PCDH15: variants seen among roughly 807,000 people sequenced by gnomAD.
The protein encoded by PCDH15 is protocadherin-15.
In PCDH15, 129 loss-of-function variants were observed where a neutral mutation model predicts 178.5. The observed-to-expected ratio is 0.72, with a 90% CI of 0.63 to 0.84. The LOEUF (loss-of-function observed/expected upper bound fraction) is 0.84, where lower values mean the gene tolerates loss of function less well. Among genes scored for constraint, PCDH15 ranks in the 40% least tolerant of loss-of-function variants. The pLI is 0.00. For missense variants in PCDH15, 2,230 were observed against 2,099.9 expected, an observed-to-expected ratio of 1.06 and a Z score of -1.21; for synonymous variants, 800 against 732.0, an observed-to-expected ratio of 1.09 and a Z score of -1.50.
In PCDH15 at chr10:54,977,280, G is replaced by T. The variant is rs554391872; in HGVS notation, c.-79-79780C>A. Among the ~76,000 whole-genome samples the T allele has an allele frequency of 1.7e-3, 262 of 152,222 alleles. 1 individual carries two copies. The highest frequency in any genetic ancestry group is 5.9e-3 in the African/African-American group (247 of 41,536). On this transcript the variant is annotated intron_variant, in intron 2 of 5. Coordinates refer to the PCDH15 transcript ENST00000458638. ...ATGAGAAAGAAGGTCAGTAGGACTG[G>T]TTTCATAAGACACAGGTCATAAGAT...
At chr10:55,415,469 A>C (rs1838456064) in intron 2 of PCDH15, among the ~76,000 whole-genome samples, 1 of 151,754 alleles carries the variant, frequency 6.6e-6, no homozygotes, top group African/African-American at 2.4e-5. Flanking sequence ...ACTAGAGGAG[A>C]TAAAAGGACG....
intron 1 of PCDH15, among the ~76,000 whole-genome samples, chr10:54,736,073 G>A (rs6481118): frequency 0.86 from 130,362 of 151,986 alleles, 56,601 homozygotes; most frequent in Non-Finnish European, 0.93. Context: ...TCTTTCCTTA[G>A]GTCAAACTGC....
intron 2 of PCDH15, among the ~76,000 whole-genome samples, chr10:54,610,597 C>A (rs1038436307): frequency 2.0e-5 from 3 of 151,902 alleles, no homozygotes; most frequent in Non-Finnish European, 2.9e-5. Context: ...CCTGGCTTTT[C>A]TCTCCTGCTT....
At chr10:54,018,372 C>T (rs2092809650) in intron 20 of PCDH15, among the ~76,000 whole-genome samples, 1 of 151,392 alleles carries the variant, frequency 6.6e-6, no homozygotes, top group African/African-American at 2.4e-5. Flanking sequence ...CCACAGTCTT[C>T]AGGTAACCAA....
chr10:54,782,307 G>T (rs1950441668), intron 1 of PCDH15, among the ~76,000 whole-genome samples: 1 of 152,226 alleles, frequency 6.6e-6, no homozygotes, highest in East Asian at 1.9e-4. Context: ...TTACACTGCT[G>T]TGGTTCACTT....
At chr10:54,550,671 A>G (rs562618026) in intron 2 of PCDH15, among the ~76,000 whole-genome samples, 6 of 152,352 alleles carry the variant, frequency 3.9e-5, no homozygotes, top group African/African-American at 1.4e-4. Context: ...GTACCTATAA[A>G]TGTTAGATAA....
chr10:54,994,945 A>G (rs924779546), intron 2 of PCDH15, among the ~76,000 whole-genome samples: 10 of 152,232 alleles, frequency 6.6e-5, no homozygotes, highest in African/African-American at 1.7e-4. Flanking sequence ...TAATTACATT[A>G]AAGTTTATAT....
chr10:54,733,925 T>A (rs9804375), intron 1 of PCDH15, among the ~76,000 whole-genome samples: 69,427 of 150,834 alleles, frequency 0.46, 17,053 homozygotes, highest in Middle Eastern at 0.65. Context: ...GTACTTCACA[T>A]TTTTTATCAA....
chr10:55,536,229 A>C (rs1027203755), intron 2 of PCDH15, among the ~76,000 whole-genome samples: 1 of 152,026 alleles, frequency 6.6e-6, no homozygotes, highest in African/African-American at 2.4e-5. Context: ...TAATCCTCTA[A>C]TTTTCTAACG....
At chr10:54,624,811 C>T (rs531731856) in intron 2 of PCDH15, among the ~76,000 whole-genome samples, 10 of 152,290 alleles carry the variant, frequency 6.6e-5, no homozygotes, top group South Asian at 6.2e-4. Context: ...GTCTAGGTTG[C>T]GTGCTCCTAA....
intron 2 of PCDH15, among the ~76,000 whole-genome samples, chr10:55,086,027 G>A (rs1842159844): frequency 6.6e-6 from 1 of 151,336 alleles, no homozygotes; most frequent in African/African-American, 2.4e-5. Flanking sequence ...ATATACATAT[G>A]CAATCTTTAA....
At chr10:54,103,733 C>G (rs2094856405) in intron 15 of PCDH15, among the ~76,000 whole-genome samples, 1 of 152,070 alleles carries the variant, frequency 6.6e-6, no homozygotes, top group Non-Finnish European at 1.5e-5. Context: ...TTTAGCTAAC[C>G]AGACAAATAA....
At chr10:53,834,666 A>G (rs74944334) in intron 29 of PCDH15, among the ~76,000 whole-genome samples, 1 of 152,114 alleles carries the variant, frequency 6.6e-6, no homozygotes, top group Admixed American at 6.5e-5. Flanking sequence ...CTGAAATGAG[A>G]TAAGTTGCTA....
At chr10:54,813,367 A>G (rs1038653930) in intron 3 of PCDH15, among the ~76,000 whole-genome samples, 1 of 152,146 alleles carries the variant, frequency 6.6e-6, no homozygotes, top group African/African-American at 2.4e-5. Context: ...CCATGTGGTT[A>G]TACCAGAAAC....
chr10:54,967,105 G>A (rs1439702603), intron 2 of PCDH15, among the ~76,000 whole-genome samples: 3 of 152,038 alleles, frequency 2.0e-5, no homozygotes, highest in Admixed American at 2.0e-4. Context: ...CTCAGCTTTA[G>A]ACTTTATAAA....
intron 2 of PCDH15, among the ~76,000 whole-genome samples, chr10:54,982,412 TG>T (rs1839258707): frequency 6.6e-6 from 1 of 152,160 alleles, no homozygotes; most frequent in Admixed American, 6.5e-5. Context: ...ATATCAAGTT[TG>T]TAAATCAAGC....
intron 9 of PCDH15, among the ~76,000 whole-genome samples, chr10:54,220,208 C>A (rs1352547071): frequency 6.6e-6 from 1 of 152,284 alleles, no homozygotes; most frequent in Admixed American, 6.5e-5. Context: ...GTAATACTTA[C>A]TAGCTGTTAA....
chr10:54,599,646 A>G (rs2134057365), intron 2 of PCDH15: 4 of 368,680 alleles, frequency 1.1e-5, no homozygotes, highest in East Asian at 7.2e-5. Flanking sequence ...CAAAAGCAAA[A>G]ATTGACAAAC....
At chr10:54,297,747 C>G (rs549099831) in intron 8 of PCDH15, among the ~76,000 whole-genome samples, 101 of 152,296 alleles carry the variant, frequency 6.6e-4, no homozygotes, top group African/African-American at 2.4e-3. Context: ...TAAAGCAGAT[C>G]AAGGCAGACC....
Sources: allele counts gnomAD v4.1 joint callset (sites outside exome capture counted in the v4.1 genomes callset), GRCh38; gene constraint gnomAD v4.1.1; transcripts MANE v1.5; gene names NCBI Gene and HGNC (gene_info 2026-07-23, HGNC 2026-07-21).